Variants in DSCAM observed in about 807,000 individuals in gnomAD.
DSCAM encodes DS cell adhesion molecule.
A neutral mutation model predicts 217.7 loss-of-function variants in DSCAM; 47 were observed. The observed-to-expected ratio is 0.22, with a 90% CI of 0.17 to 0.28. DSCAM has a LOEUF of 0.28. Among genes scored for constraint, DSCAM ranks in the 10% least tolerant of loss-of-function variants. The pLI is 1.00. For synonymous variants in DSCAM, 1,056 were observed against 1,015.3 expected (o/e 1.04, Z -0.76); for missense variants, 2,080 against 2,618.3 (o/e 0.79, Z 4.49).
chr21:40,581,003 AAAC>A (rs1313338488), intron 3 of DSCAM, among the ~76,000 whole-genome samples: 1 of 152,270 alleles, frequency 6.6e-6, no homozygotes, highest in Non-Finnish European at 1.5e-5. Flanking sequence ...ATAAAATACA[AAAC>A]AACAAGGAAT....
At position 40,658,171 on chromosome 21, in the gene DSCAM, G is replaced by A. The variant is rs575915927; in HGVS notation, c.508+34639C>T. 3.9e-5 allele frequency among the ~76,000 whole-genome samples: 6 copies of A among 152,256 alleles called. No homozygotes were observed. The East Asian group carries it at 5.8e-4, about 15-fold the overall frequency. Reference sequence around the variant, plus strand: ...CAAAGAGATTTTAAGATGAAGCAGCGCCATTTTAGTTAGAGGCTGGCTCAT... The same window carrying A: ...CAAAGAGATTTTAAGATGAAGCAGCACCATTTTAGTTAGAGGCTGGCTCAT... On this transcript the variant is annotated intron_variant, in intron 3 of 32. Transcript: ENST00000400454.
chr21:40,562,524 A>T (rs1202463653), intron 3 of DSCAM, among the ~76,000 whole-genome samples: 1 of 152,176 alleles, frequency 6.6e-6, no homozygotes, highest in Non-Finnish European at 1.5e-5. Flanking sequence ...GCTCAGCATC[A>T]TGTTTACTGT....
At chr21:40,434,518 C>G (rs2075565671) in intron 3 of DSCAM, among the ~76,000 whole-genome samples, 1 of 152,132 alleles carries the variant, frequency 6.6e-6, no homozygotes, top group South Asian at 2.1e-4. Context: ...AGGATGGTAG[C>G]TCAGCCTGGG....
intron 3 of DSCAM, among the ~76,000 whole-genome samples, chr21:40,587,884 A>G (rs2076957919): frequency 6.6e-6 from 1 of 152,186 alleles, no homozygotes; most frequent in Non-Finnish European, 1.5e-5. Flanking sequence ...GCACTCAGTC[A>G]GCCCCAGTTT....
intron 3 of DSCAM, among the ~76,000 whole-genome samples, chr21:40,464,670 T>C (rs1201710173): frequency 6.6e-6 from 1 of 152,124 alleles, no homozygotes; most frequent in African/African-American, 2.4e-5. Context: ...AGCCACCCTG[T>C]TCAGTCCCAA....
rs560084409 is a variant in DSCAM at position 40,690,505 on chromosome 21, G to A, written c.508+2305C>T. Among the ~76,000 whole-genome samples the A allele has an allele frequency of 1.6e-4, 24 of 152,272 alleles. No individual in the cohort carries two copies. In the South Asian group the frequency reaches 5.0e-3, roughly 32 times the overall value. ...GTGTTGTATTTATTTTCTAGATGCT[G>A]TTGTGAAGTACAAACCAAGCACTTC... On this transcript the variant is annotated intron_variant, in intron 3 of 32. Transcript: ENST00000400454.
At chr21:40,606,793 G>C (rs2089245572) in intron 3 of DSCAM, among the ~76,000 whole-genome samples, 1 of 152,188 alleles carries the variant, frequency 6.6e-6, no homozygotes, top group African/African-American at 2.4e-5. Context: ...AACTTATCTT[G>C]AATTCCCACA....
chr21:40,281,182 G>T (rs1255017975), intron 10 of DSCAM, among the ~76,000 whole-genome samples: 1 of 152,086 alleles, frequency 6.6e-6, no homozygotes, highest in Non-Finnish European at 1.5e-5. Context: ...GATTCCTAAC[G>T]TGTAAAATTA....
intron 3 of DSCAM, among the ~76,000 whole-genome samples, chr21:40,555,513 T>G (rs772744574): frequency 2.6e-5 from 4 of 152,222 alleles, no homozygotes; most frequent in Non-Finnish European, 4.4e-5. Flanking sequence ...GAATGAAATT[T>G]TAAACCCACA....
At chr21:40,839,531 C>A (rs972072874) in intron 1 of DSCAM, among the ~76,000 whole-genome samples, 14 of 152,158 alleles carry the variant, frequency 9.2e-5, no homozygotes, top group African/African-American at 3.4e-4. Context: ...CCTTCTCATC[C>A]CCAGCTTCCC....
chr21:40,298,874 G>A (rs2073984350), intron 9 of DSCAM, among the ~76,000 whole-genome samples: 1 of 152,078 alleles, frequency 6.6e-6, no homozygotes, highest in Admixed American at 6.6e-5. Context: ...CTAATCCAAC[G>A]AAATGTTCCT....
chr21:40,758,788 G>T (rs2091301760), intron 1 of DSCAM, among the ~76,000 whole-genome samples: 1 of 152,054 alleles, frequency 6.6e-6, no homozygotes, highest in Non-Finnish European at 1.5e-5. Flanking sequence ...ACCCCAAATG[G>T]TCTTGTCTTC....
rs149760888 is a variant in DSCAM at position 40,293,956 on chromosome 21, A to G, written c.2182+2099T>C. Reference sequence around the variant, plus strand: ...TTTTAAAAATGTATAATGTGTATCTATGGGTATGCAATTGCTTGGGGACAG... The same window carrying G: ...TTTTAAAAATGTATAATGTGTATCTGTGGGTATGCAATTGCTTGGGGACAG... On this transcript the variant is annotated intron_variant, in intron 10 of 32. Coordinates refer to ENST00000400454, the MANE Select transcript of DSCAM (RefSeq NM_001389.5). Among the ~76,000 whole-genome samples the G allele has an allele frequency of 6.8e-3, 1,043 of 152,320 alleles. 14 individuals are homozygous for G. Among genetic ancestry groups the G allele is most frequent in the African/African-American group, 0.024 (996 of 41,568 alleles).
chr21:40,432,213 A>T (rs2075540651), intron 3 of DSCAM, among the ~76,000 whole-genome samples: 1 of 151,080 alleles, frequency 6.6e-6, no homozygotes, highest in South Asian at 2.1e-4. Flanking sequence ...AATAATAAAA[A>T]ATAAATATAT....
At chr21:40,766,637 C>T (rs2091392604) in intron 1 of DSCAM, among the ~76,000 whole-genome samples, 1 of 115,252 alleles carries the variant, frequency 8.7e-6, no homozygotes. Context: ...GTCACCATCA[C>T]TAATGTTTTT....
intron 3 of DSCAM, among the ~76,000 whole-genome samples, chr21:40,489,346 C>A (rs1407276474): frequency 6.6e-6 from 1 of 152,160 alleles, no homozygotes; most frequent in Non-Finnish European, 1.5e-5. Context: ...CTTCCTGGGT[C>A]CCCTGCTGAC....
chr21:40,322,673 C>T (rs991835196), intron 8 of DSCAM, among the ~76,000 whole-genome samples: 19 of 151,982 alleles, frequency 1.3e-4, no homozygotes, highest in South Asian at 1.0e-3. Flanking sequence ...TACAGGTGCC[C>T]GCCATTACAC....
chr21:40,774,980 ATATAAT>A (rs10604521), intron 1 of DSCAM, among the ~76,000 whole-genome samples: 123,599 of 150,716 alleles, frequency 0.82, 50,818 homozygotes, highest in African/African-American at 0.83. Context: ...ATTATATAAC[ATATAAT>A]TATAATTTTT....
At chr21:40,617,751 T>C (rs2089423503) in intron 3 of DSCAM, among the ~76,000 whole-genome samples, 1 of 152,234 alleles carries the variant, frequency 6.6e-6, no homozygotes, top group Non-Finnish European at 1.5e-5. Flanking sequence ...GTCAAACTTG[T>C]GCTCAGTTGA....
Sources: gnomAD v4.1 joint callset for allele counts (sites outside exome capture counted in the v4.1 genomes callset) on GRCh38, gnomAD v4.1.1 for gene constraint, MANE v1.5 for transcripts, NCBI Gene and HGNC (gene_info 2026-07-23, HGNC 2026-07-21) for gene names.